The following UBAP2L variants were observed in gnomAD, a reference collection of about 807,000 sequenced individuals.
UBAP2L encodes the protein ubiquitin-associated protein 2-like.
UBAP2L carries 12 observed loss-of-function variants against 130.6 expected under a neutral mutation model. The observed-to-expected ratio is 0.09, with a 90% CI of 0.06 to 0.15. UBAP2L has a LOEUF of 0.15. Among genes scored for constraint, UBAP2L ranks in the 10% least tolerant of loss-of-function variants. The probability of loss-of-function intolerance (pLI) is 1.00; values close to 1 mark genes in which losing one functional copy is unlikely to be tolerated. For synonymous variants in UBAP2L, 503 were observed against 524.7 expected (o/e 0.96, Z 0.57); for missense variants, 965 against 1,332.5 (o/e 0.72, Z 4.29).
chr1:154,269,155 G>T (rs903020598), intron 26 of UBAP2L: 6 of 869,058 alleles, frequency 6.9e-6, no homozygotes, highest in African/African-American at 6.8e-5. Flanking sequence ...AGAAGGGCCG[G>T]GTTGAAACCT....
chr1:154,243,208 G>C lies in UBAP2L; in HGVS notation c.757-9G>C. On this transcript the variant is annotated splice_polypyrimidine_tract_variant and intron_variant, in intron 9 of 26. Transcript: ENST00000428931. ...GACACCAAGAGTGACTAATCCCTCT[G>C]TTTTCCAGCTTTCTGAGACCAAGAT... The C allele has an allele frequency of 6.2e-7, 1 of 1,609,770 alleles. No homozygotes were observed. Among genetic ancestry groups the C allele is most frequent in the Non-Finnish European group, 8.5e-7 (1 of 1,177,026 alleles).
intron 6 of UBAP2L, 110 bp downstream of exon 6, chr1:154,235,401 G>T: frequency 1.7e-6 from 1 of 601,960 alleles, no homozygotes; most frequent in South Asian, 2.1e-5. Context: ...CACCCAGGCC[G>T]GAGTGCAGTG....
At chr1:154,226,299 T>C (rs1260842588) in intron 2 of UBAP2L, among the ~76,000 whole-genome samples, 2 of 152,262 alleles carry the variant, frequency 1.3e-5, no homozygotes, top group Non-Finnish European at 2.9e-5. Context: ...CTTAGAGCAT[T>C]GCTCAATTTT....
chr1:154,239,583 C>T (rs1027296636), intron 8 of UBAP2L, among the ~76,000 whole-genome samples: 4 of 152,180 alleles, frequency 2.6e-5, no homozygotes, highest in Non-Finnish European at 5.9e-5. Flanking sequence ...CTTAATGCTT[C>T]CTCAGCTCTC....
chr1:154,255,604 C>A, intron 17 of UBAP2L, 79 bp from the exon 18 acceptor site: 2 of 1,501,642 alleles, frequency 1.3e-6, no homozygotes, highest in South Asian at 1.1e-5. Flanking sequence ...GTCTTATTTC[C>A]TTGTTATGTT....
At position 154,253,897 on chromosome 1, in the gene UBAP2L, C is replaced by T; in HGVS notation, c.1665-3C>T. ...CTGAGATTTTTCTCTTCGTTACTCA[C>T]AGTGAATCATCCTCTACAATTTCAT... On this transcript the variant is annotated splice_polypyrimidine_tract_variant and splice_region_variant and intron_variant, in intron 14 of 26. Transcript: ENST00000428931. 6.2e-7 allele frequency: 1 copy of T among 1,613,736 alleles called. No homozygotes were observed. The highest frequency in any genetic ancestry group is 8.5e-7 in the Non-Finnish European group (1 of 1,179,936).
At chr1:154,259,357 A>T (rs1006067282) in intron 21 of UBAP2L, among the ~76,000 whole-genome samples, 1 of 151,458 alleles carries the variant, frequency 6.6e-6, no homozygotes, top group East Asian at 1.9e-4. Context: ...CCCCCAGCTA[A>T]TTTTTTTTGT....
intron 10 of UBAP2L, 37 bp downstream of exon 10, chr1:154,243,339 C>T (rs1674202128): frequency 1.3e-6 from 2 of 1,582,998 alleles, no homozygotes; most frequent in Non-Finnish European, 1.7e-6. Context: ...ATTTCTTAAA[C>T]ACATCTGCTG....
At chr1:154,258,891 TC>T in intron 20 of UBAP2L, 85 bp from the exon 21 acceptor site, 1 of 1,073,514 alleles carries the variant, frequency 9.3e-7, no homozygotes, top group Admixed American at 1.8e-5. Context: ...GGATGAATGT[TC>T]TGTTGAATTA....
intron 10 of UBAP2L, among the ~76,000 whole-genome samples, chr1:154,244,442 C>A (rs1296572457): frequency 1.3e-5 from 2 of 152,146 alleles, no homozygotes; most frequent in Non-Finnish European, 2.9e-5. Flanking sequence ...GTGGCGTGAT[C>A]TTGGCTCACT....
chr1:154,246,436 C>T (rs1571803169), intron 11 of UBAP2L, 61 bp downstream of exon 11: 3 of 1,526,744 alleles, frequency 2.0e-6, no homozygotes, highest in Non-Finnish European at 2.7e-6. Context: ...CACACATACA[C>T]AGTTCCTTCC....
intron 23 of UBAP2L, 76 bp from the exon 24 acceptor site, chr1:154,261,516 T>C (rs1681545157): frequency 1.4e-6 from 2 of 1,423,744 alleles, no homozygotes; most frequent in Admixed American, 3.4e-5. Flanking sequence ...GAATGGCCAG[T>C]ACCTGGAGCA....
intron 25 of UBAP2L, among the ~76,000 whole-genome samples, chr1:154,266,995 A>T (rs1459846239): frequency 1.3e-5 from 2 of 152,116 alleles, no homozygotes; most frequent in Admixed American, 1.3e-4. Context: ...CATTTGAGTG[A>T]TCCACAGGTT....
rs370332699 is a variant in UBAP2L, at chr1:154,236,560, C to A, written c.545-6C>A. ...CTCTCTTCTCTTTTTCTCATTCTTT[C>A]TTTAGGTGGCTCTGGTAGGCGAGGA... On this transcript the variant is annotated splice_polypyrimidine_tract_variant and splice_region_variant and intron_variant, in intron 6 of 26. Transcript: ENST00000428931. 1 of 1,613,882 alleles carries A rather than the reference C, an allele frequency of 6.2e-7. No individual in the cohort carries two copies. The highest frequency in any genetic ancestry group is 2.2e-5 in the East Asian group (1 of 44,864).
intron 2 of UBAP2L, 29 bp downstream of exon 2, chr1:154,225,242 G>A: frequency 6.2e-7 from 1 of 1,609,116 alleles, no homozygotes; most frequent in South Asian, 1.1e-5. Context: ...ACGGATTCAT[G>A]GATAGCGTTG....
chr1:154,221,002 G>A, intron 1 of UBAP2L, 27 bp downstream of exon 1: 1 of 190,028 alleles, frequency 5.3e-6, no homozygotes, highest in Non-Finnish European at 1.1e-5. Context: ...AGCGGCGTTG[G>A]CGGCGGCGGC....
intron 24 of UBAP2L, among the ~76,000 whole-genome samples, chr1:154,262,482 G>GGGA (rs2149040662): frequency 6.6e-6 from 1 of 152,274 alleles, no homozygotes; most frequent in African/African-American, 2.4e-5. Context: ...AGATGAATAG[G>GGGA]GGAGGAGTAG....
intron 1 of UBAP2L, among the ~76,000 whole-genome samples, chr1:154,223,442 T>A (rs1666950709): frequency 6.6e-6 from 1 of 152,176 alleles, no homozygotes; most frequent in African/African-American, 2.4e-5. Flanking sequence ...AACAAAATAG[T>A]TTTCCTCTCG....
In UBAP2L at chr1:154,270,765, T is replaced by G. The variant is rs1049401426; in HGVS notation, c.*470T>G. The G allele has an allele frequency of 8.7e-6, 10 of 1,151,940 alleles. No individual in the cohort carries two copies. Among genetic ancestry groups the G allele is most frequent in the African/African-American group, 3.3e-5 (2 of 59,886 alleles). The allele number at this position is 1,151,940 out of a possible 1,614,324, so 71.4% of individuals were successfully genotyped here. A position where few individuals can be genotyped will look rare whatever the true frequency, so the allele number is the denominator to read the frequency against. On this transcript the variant is annotated 3_prime_UTR_variant, in exon 27 of 27. Transcript: ENST00000428931. ...AGATGAATTAGTTGAAGTGGTTTTT[T>G]TTTTGTTTTTTTTTTTTTTTTGTAC...
Sources: gnomAD v4.1 joint callset for allele counts (sites outside exome capture counted in the v4.1 genomes callset) on GRCh38, gnomAD v4.1.1 for gene constraint, MANE v1.5 for transcripts, NCBI Gene and HGNC (gene_info 2026-07-23, HGNC 2026-07-21) for gene names.